The following TRABD2B variants were observed in gnomAD, a reference collection of about 807,000 sequenced individuals.
The protein encoded by TRABD2B is TraB domain containing 2B.
TRABD2B carries 14 observed loss-of-function variants against 40.1 expected under a neutral mutation model. That is an observed-to-expected ratio of 0.35 (90% CI 0.23 to 0.55). TRABD2B has a LOEUF of 0.55. TRABD2B is among the 20% of genes least tolerant of loss of function. TRABD2B has a pLI of 0.90. For missense variants in TRABD2B, 541 were observed against 648.6 expected (o/e 0.83, Z 1.80); for synonymous variants, 263 against 277.0 (o/e 0.95, Z 0.50).
intron 2 of TRABD2B, among the ~76,000 whole-genome samples, chr1:47,856,561 G>A (rs72894237): frequency 0.06 from 9,122 of 152,244 alleles, 484 homozygotes; most frequent in African/African-American, 0.13. Flanking sequence ...CTTTGCCATC[G>A]TAGGACACAG....
chr1:47,967,896 C>T (rs551513585), intron 2 of TRABD2B, among the ~76,000 whole-genome samples: 1 of 152,318 alleles, frequency 6.6e-6, no homozygotes, highest in Admixed American at 6.5e-5. Context: ...TGATACCTAA[C>T]GGTTATAACT....
intron 2 of TRABD2B, among the ~76,000 whole-genome samples, chr1:47,832,059 G>A (rs1031729201): frequency 6.6e-6 from 1 of 152,162 alleles, no homozygotes; most frequent in Non-Finnish European, 1.5e-5. Context: ...CGGGCTGGGC[G>A]CAGTGGCTCA....
At chr1:47,897,740 C>A (rs1344400406) in intron 2 of TRABD2B, among the ~76,000 whole-genome samples, 1 of 152,110 alleles carries the variant, frequency 6.6e-6, no homozygotes, top group South Asian at 2.1e-4. Context: ...ATCTGACCTG[C>A]CCCTGCCCAG....
chr1:47,868,873 A>G (rs1008328037), intron 2 of TRABD2B, among the ~76,000 whole-genome samples: 1 of 152,182 alleles, frequency 6.6e-6, no homozygotes. Flanking sequence ...GCAAGTGTCC[A>G]CAGTCATTTT....
chr1:47,943,469 C>T lies in TRABD2B; in HGVS notation c.666+50565G>A, dbSNP rs530286979. On this transcript the variant is annotated intron_variant, in intron 2 of 6. Transcript: ENST00000606738. ...GCAAGCTCATTTCATTGGTTCTACA[C>T]CCTAATGCAAGACCTTAGTTCCACA... 1.2e-3 allele frequency among the ~76,000 whole-genome samples: 190 copies of T among 152,272 alleles called. 1 individual carries two copies. Among genetic ancestry groups the T allele is most frequent in the African/African-American group, 4.2e-3 (174 of 41,548 alleles).
At chr1:47,860,992 G>T (rs1643959055) in intron 2 of TRABD2B, among the ~76,000 whole-genome samples, 1 of 152,130 alleles carries the variant, frequency 6.6e-6, no homozygotes, top group Admixed American at 6.6e-5. Flanking sequence ...ACATGAAATG[G>T]ACTAAGACAG....
At chr1:47,990,771 TTATATA>T (rs55649435) in intron 2 of TRABD2B, among the ~76,000 whole-genome samples, 27 of 36,548 alleles carry the variant, frequency 7.4e-4, no homozygotes, top group East Asian at 3.1e-3. Context: ...AACGTTGGTT[TTATATA>T]TATATATATA....
chr1:47,953,219 A>T (rs1426115046), intron 2 of TRABD2B, among the ~76,000 whole-genome samples: 1 of 152,204 alleles, frequency 6.6e-6, no homozygotes, highest in African/African-American at 2.4e-5. Context: ...AGTGCAGATG[A>T]TGCACAGAGG....
chr1:47,838,050 C>T (rs574922161), intron 2 of TRABD2B, among the ~76,000 whole-genome samples: 3 of 152,294 alleles, frequency 2.0e-5, no homozygotes, highest in Non-Finnish European at 2.9e-5. Flanking sequence ...CTGGGCAGGC[C>T]GGCACAGCCC....
chr1:47,900,924 G>C (rs1383660809), intron 2 of TRABD2B, among the ~76,000 whole-genome samples: 3 of 152,012 alleles, frequency 2.0e-5, no homozygotes, highest in Non-Finnish European at 4.4e-5. Context: ...GCTGGGAGTG[G>C]GCACCAAGGA....
rs541791832 is a variant in TRABD2B at position 47,777,932 on chromosome 1, C to T, written c.1079+522G>A. Among the ~76,000 whole-genome samples the T allele has an allele frequency of 5.9e-5, 9 of 152,232 alleles. No individual in the cohort carries two copies. The East Asian group carries it at 1.5e-3, about 26-fold the overall frequency. ...AAGACCTGGCAGGAATAGCGGATGGCCATTAGTGGCTATTTGAGCAGGGTG... is the reference window on the plus strand; with the variant it reads ...AAGACCTGGCAGGAATAGCGGATGGTCATTAGTGGCTATTTGAGCAGGGTG... On this transcript the variant is annotated intron_variant, in intron 5 of 6. Coordinates refer to ENST00000606738, the MANE Select transcript of TRABD2B (RefSeq NM_001194986.2).
chr1:47,917,673 G>A (rs1341525092), intron 2 of TRABD2B, among the ~76,000 whole-genome samples: 1 of 152,140 alleles, frequency 6.6e-6, no homozygotes, highest in Non-Finnish European at 1.5e-5. Context: ...GTTTGAGGCT[G>A]TAGTGAGCTA....
chr1:47,808,039 A>C (rs1263234853), intron 2 of TRABD2B, among the ~76,000 whole-genome samples: 1 of 152,212 alleles, frequency 6.6e-6, no homozygotes, highest in African/African-American at 2.4e-5. Context: ...GCTTCTGTGA[A>C]GGTACTTTTT....
Position 47,843,735 on chromosome 1 carries a change from G to A in TRABD2B, c.667-42116C>T, listed in dbSNP as rs575316620. On this transcript the variant is annotated intron_variant, in intron 2 of 6. Transcript: ENST00000606738. ...AGCAGTGAAGACAGAGGGGTGGCCC[G>A]AAATTCAAGTAAGAACTGTTTTAAG... 6.6e-5 allele frequency among the ~76,000 whole-genome samples: 10 copies of A among 152,288 alleles called. No individual in the cohort carries two copies. In the East Asian group the frequency reaches 1.5e-3, roughly 24 times the overall value.
intron 2 of TRABD2B, among the ~76,000 whole-genome samples, chr1:47,865,880 G>A (rs947988320): frequency 2.6e-5 from 4 of 152,076 alleles, no homozygotes; most frequent in African/African-American, 4.8e-5. Flanking sequence ...AATCAGTTGA[G>A]CCTGGGTTCC....
chr1:47,794,008 A>G (rs1644710985), intron 4 of TRABD2B, among the ~76,000 whole-genome samples: 1 of 152,250 alleles, frequency 6.6e-6, no homozygotes, highest in Non-Finnish European at 1.5e-5. Flanking sequence ...TTGAGTTCCT[A>G]CTATGTGGCA....
intron 6 of TRABD2B, among the ~76,000 whole-genome samples, chr1:47,771,096 T>A (rs11211601): frequency 0.098 from 14,958 of 152,250 alleles, 901 homozygotes; most frequent in African/African-American, 0.16. Flanking sequence ...GGTCATCTTC[T>A]GCCTCTAATC....
chr1:47,794,890 C>T (rs1411447552), intron 3 of TRABD2B, 130 bp from the exon 4 acceptor site: 4 of 811,232 alleles, frequency 4.9e-6, no homozygotes, highest in Non-Finnish European at 7.3e-6. Flanking sequence ...AAGCCATCCT[C>T]CTGCCTCAGC....
intron 2 of TRABD2B, among the ~76,000 whole-genome samples, chr1:47,965,389 CAA>C (rs113225973): frequency 5.1e-5 from 7 of 136,106 alleles, no homozygotes; most frequent in Admixed American, 2.2e-4. Flanking sequence ...TCCTTCCCTG[CAA>C]AAAAAAAAAA....
Sources: allele counts gnomAD v4.1 joint callset (sites outside exome capture counted in the v4.1 genomes callset), GRCh38; gene constraint gnomAD v4.1.1; transcripts MANE v1.5; gene names NCBI Gene and HGNC (gene_info 2026-07-23, HGNC 2026-07-21).